Variants in DCC observed in about 807,000 individuals in gnomAD.
DCC encodes netrin receptor DCC.
DCC carries 58 observed loss-of-function variants against 172.5 expected under a neutral mutation model. The ratio of observed to expected loss-of-function variants is 0.34; its 90% CI spans 0.27 to 0.42. The LOEUF (loss-of-function observed/expected upper bound fraction) is 0.42, where lower values mean the gene tolerates loss of function less well. DCC is among the 10% of genes least tolerant of loss of function. The pLI is 1.00. For missense variants in DCC, 1,740 were observed against 1,791.0 expected (o/e 0.97, Z 0.51); for synonymous variants, 709 against 644.5 (o/e 1.10, Z -1.52).
At chr18:52,464,434 C>G (rs1332909715) in intron 1 of DCC, among the ~76,000 whole-genome samples, 1 of 152,074 alleles carries the variant, frequency 6.6e-6, no homozygotes, top group Non-Finnish European at 1.5e-5. Flanking sequence ...TAACTAAGCT[C>G]TTTGTATAAA....
chr18:53,146,541 A>G (rs1302446605), intron 7 of DCC, among the ~76,000 whole-genome samples: 2 of 152,228 alleles, frequency 1.3e-5, no homozygotes, highest in Non-Finnish European at 2.9e-5. Flanking sequence ...TTGAAAGGCC[A>G]TACATCCCAA....
At chr18:52,647,175 GGGTTGTCATCC>G (rs1313100453) in intron 1 of DCC, among the ~76,000 whole-genome samples, 1 of 152,076 alleles carries the variant, frequency 6.6e-6, no homozygotes, top group East Asian at 1.9e-4. Context: ...GACAGTAAAG[GGGTTGTCATCC>G]ACGGTAAGGC....
intron 5 of DCC, among the ~76,000 whole-genome samples, chr18:52,960,838 A>C (rs917948258): frequency 3.3e-5 from 5 of 152,168 alleles, no homozygotes; most frequent in African/African-American, 1.2e-4. Flanking sequence ...TGATGTTTGA[A>C]GTAAGTAAAT....
At chr18:53,420,282 C>T (rs1169944347) in intron 21 of DCC, among the ~76,000 whole-genome samples, 2 of 152,124 alleles carry the variant, frequency 1.3e-5, no homozygotes, top group Non-Finnish European at 2.9e-5. Context: ...GTTATTTGTC[C>T]TATATAGATC....
intron 5 of DCC, among the ~76,000 whole-genome samples, chr18:53,018,599 C>A (rs974389669): frequency 6.6e-6 from 1 of 152,036 alleles, no homozygotes; most frequent in Admixed American, 6.5e-5. Flanking sequence ...GCATGCAATT[C>A]ATTTTGTTTT....
intron 5 of DCC, among the ~76,000 whole-genome samples, chr18:53,035,648 G>A (rs907528206): frequency 7.2e-5 from 11 of 152,074 alleles, no homozygotes; most frequent in African/African-American, 2.7e-4. Flanking sequence ...AGCAGCGTAG[G>A]GAAAACTTGG....
At chr18:52,364,637 C>G (rs1598864104) in intron 1 of DCC, among the ~76,000 whole-genome samples, 3 of 152,204 alleles carry the variant, frequency 2.0e-5, no homozygotes, top group African/African-American at 2.4e-5. Context: ...AGGGCAGGTT[C>G]CACAGCCTTA....
chr18:53,107,130 T>A (rs563992264), intron 7 of DCC, among the ~76,000 whole-genome samples: 1 of 151,874 alleles, frequency 6.6e-6, no homozygotes, highest in African/African-American at 2.4e-5. Context: ...TGCAGCCCAG[T>A]AGATCTCAGC....
intron 1 of DCC, among the ~76,000 whole-genome samples, chr18:52,515,611 A>AAAAAAAAAAAAAAAAAAAAAAAAAC (rs2031607686): frequency 7.3e-6 from 1 of 137,240 alleles, no homozygotes; most frequent in African/African-American, 2.6e-5. Context: ...TGTCTCAAAA[A>AAAAAAAAAAAAAAAAAAAAAAAAAC]AAAAAAAAAA....
intron 1 of DCC, among the ~76,000 whole-genome samples, chr18:52,747,262 A>T (rs2036921170): frequency 6.6e-6 from 1 of 152,182 alleles, no homozygotes; most frequent in Non-Finnish European, 1.5e-5. Context: ...AGTTGTCTTA[A>T]GTAATTTTAT....
intron 5 of DCC, among the ~76,000 whole-genome samples, chr18:52,997,997 T>C (rs1376462834): frequency 6.6e-6 from 1 of 152,088 alleles, no homozygotes; most frequent in Non-Finnish European, 1.5e-5. Context: ...AAACTATATA[T>C]TTATTATTCT....
chr18:53,004,082 T>C, intron 5 of DCC, among the ~76,000 whole-genome samples: 1 of 152,184 alleles, frequency 6.6e-6, no homozygotes, highest in Non-Finnish European at 1.5e-5. Context: ...TTTATTATGT[T>C]GTATAAAAGT....
chr18:52,915,041 A>G (rs966834246), intron 3 of DCC, among the ~76,000 whole-genome samples: 2 of 152,178 alleles, frequency 1.3e-5, no homozygotes, highest in Admixed American at 1.3e-4. Context: ...ATTAAAAGCA[A>G]CTACTGGTTA....
chr18:52,399,630 C>T (rs887145264), intron 1 of DCC, among the ~76,000 whole-genome samples: 11 of 151,924 alleles, frequency 7.2e-5, no homozygotes, highest in African/African-American at 2.7e-4. Flanking sequence ...TCAAGGCCCA[C>T]CTCAGTGTCA....
At chr18:53,196,438 A>G (rs1263158141) in intron 9 of DCC, among the ~76,000 whole-genome samples, 2 of 152,174 alleles carry the variant, frequency 1.3e-5, no homozygotes, top group Non-Finnish European at 2.9e-5. Flanking sequence ...GTGTTAGTGA[A>G]AAATCTGAGC....
At chr18:53,087,797 G>A (rs1165945259) in intron 7 of DCC, among the ~76,000 whole-genome samples, 20 of 152,228 alleles carry the variant, frequency 1.3e-4, no homozygotes, top group African/African-American at 4.1e-4. Flanking sequence ...TAAGGAAGGG[G>A]TTCAGTTTCA....
chr18:52,968,219 A>T (rs2040966990), intron 5 of DCC, among the ~76,000 whole-genome samples: 1 of 152,190 alleles, frequency 6.6e-6, no homozygotes, highest in Admixed American at 6.6e-5. Context: ...GCATCTTGGT[A>T]GACGTTGTTA....
chr18:53,018,654 G>A (rs934829367), intron 5 of DCC, among the ~76,000 whole-genome samples: 3 of 152,086 alleles, frequency 2.0e-5, no homozygotes, highest in African/African-American at 7.2e-5. Context: ...ATAGAATATG[G>A]TATGTGCTCA....
At chr18:52,534,313 T>C (rs538118303) in intron 1 of DCC, among the ~76,000 whole-genome samples, 1 of 152,184 alleles carries the variant, frequency 6.6e-6, no homozygotes, top group Admixed American at 6.5e-5. Context: ...ATCAAGCATA[T>C]GAAAAAATAA....
Sources: allele counts gnomAD v4.1 joint callset (sites outside exome capture counted in the v4.1 genomes callset), GRCh38; gene constraint gnomAD v4.1.1; transcripts MANE v1.5; gene names NCBI Gene and HGNC (gene_info 2026-07-23, HGNC 2026-07-21).